Variants in MYRF observed in about 807,000 individuals in gnomAD.
The protein encoded by MYRF is myelin gene regulatory factor.
In MYRF, 16 loss-of-function variants were observed where a neutral mutation model predicts 126.3. The ratio of observed to expected loss-of-function variants is 0.13; its 90% CI spans 0.09 to 0.19. MYRF has a LOEUF of 0.19. MYRF is among the 10% of genes least tolerant of loss of function. MYRF has a pLI of 1.00. For synonymous variants in MYRF, 608 were observed against 635.3 expected, an observed-to-expected ratio of 0.96 and a Z score of 0.65; for missense variants, 1,104 against 1,547.0, an observed-to-expected ratio of 0.71 and a Z score of 4.80.
At position 61,781,176 on chromosome 11, in the gene MYRF, G is replaced by A. The variant is rs201951304; in HGVS notation, c.2611G>A (p.Val871Ile). The A allele has an allele frequency of 1.2e-5, 19 of 1,613,902 alleles. No homozygotes were observed. The highest frequency in any genetic ancestry group is 1.5e-5 in the Non-Finnish European group (18 of 1,180,022). ...CACCAGCTCGGCCCCAGGTTCTGCTGTCCGCACCTTGGACATGTGTTCCAG... is the reference window on the plus strand; with the variant it reads ...CACCAGCTCGGCCCCAGGTTCTGCTATCCGCACCTTGGACATGTGTTCCAG... ...SLTSSAPGSAVRTLDMCSSHP... is the reference protein window; with the variant it reads ...SLTSSAPGSAIRTLDMCSSHP... The change falls in exon 21 of 27, where the codon GTC (valine) becomes ATC (isoleucine). Residue 871 changes from valine to isoleucine, a missense_variant. Val to Ile is a conservative substitution (Grantham distance 29). Around this residue, in one of 10 missense-constraint regions of MYRF, gnomAD observed 323 missense variants for 383.1 expected, o/e 0.84. Coordinates refer to ENST00000278836, the MANE Select transcript of MYRF (RefSeq NM_001127392.3).
intron 1 of MYRF, among the ~76,000 whole-genome samples, chr11:61,755,175 C>T (rs938105770): frequency 3.4e-4 from 52 of 152,258 alleles, no homozygotes; most frequent in East Asian, 3.9e-4. Context: ...CAGCACAGCG[C>T]GCCCCCTCAC....
intron 7 of MYRF, among the ~76,000 whole-genome samples, chr11:61,773,586 C>T (rs756934721): frequency 1.2e-4 from 19 of 152,008 alleles, no homozygotes; most frequent in African/African-American, 4.1e-4. Context: ...CAGTCCCTCT[C>T]GGGTGAGTGA....
intron 1 of MYRF, among the ~76,000 whole-genome samples, chr11:61,761,267 G>GGGC: frequency 6.6e-6 from 1 of 151,890 alleles, no homozygotes; most frequent in East Asian, 1.9e-4. Context: ...GGTGGGGGGG[G>GGGC]GGGCACATAA....
Position 61,777,418 on chromosome 11 carries a change from C to T in MYRF, c.1745C>T (p.Ser582Leu), listed in dbSNP as rs1370128333. ...CACGGGAATGTCAAGGTCATGGGCT[C>T]GCTTATGCACCCCTCCGACCTGCGC... ...VVHGNVKVMG[S>L]LMHPSDLRAK... The change falls in exon 12 of 27, where the codon TCG (serine) becomes TTG (leucine). Residue 582 changes from serine to leucine, a missense_variant. Physicochemically the swap from Ser to Leu is moderately radical, Grantham distance 145. This residue lies in a region of MYRF where 123 missense variants were observed against 209.1 expected (regional missense o/e 0.59). Transcript: ENST00000278836. This position sits in a 1 kb window ranked among gnomAD's most constrained non-coding sequence, Gnocchi z 8.8. 2 of 1,613,678 alleles carry T rather than the reference C, an allele frequency of 1.2e-6. No homozygotes were observed. The highest frequency in any genetic ancestry group is 3.3e-5 in the Admixed American group (2 of 59,998).
intron 3 of MYRF, 45 bp downstream of exon 3, chr11:61,766,266 G>A: frequency 6.5e-7 from 1 of 1,548,994 alleles, no homozygotes; most frequent in Middle Eastern, 1.8e-4. Flanking sequence ...CATAGGGGCA[G>A]GCAGGGAGCA....
intron 8 of MYRF, among the ~76,000 whole-genome samples, chr11:61,775,170 C>T (rs1255725007): frequency 6.6e-6 from 1 of 152,202 alleles, no homozygotes; most frequent in Non-Finnish European, 1.5e-5. Context: ...GGACCCCCAA[C>T]TCCTGCCCCA....
chr11:61,757,233 C>T lies in MYRF; in HGVS notation c.46+4443C>T, dbSNP rs929884394. The T allele has an allele frequency of 8.8e-6, 4 of 456,642 alleles. No homozygotes were observed. The highest frequency in any genetic ancestry group is 3.1e-5 in the South Asian group (2 of 64,556). The allele number at this position is 456,642 out of a possible 1,614,324, so 28.3% of individuals were successfully genotyped here. On this transcript the variant is annotated intron_variant, in intron 1 of 26. Transcript: ENST00000278836. The surrounding 1 kb of genome is among the most constrained non-coding windows in gnomAD (Gnocchi z 4.7). ...GTGTGGGTACCTCTTGGTTGGGTCT[C>T]GGGGTAGGATGATGTAATGGTTCTG...
intron 1 of MYRF, 77 bp downstream of exon 1, chr11:61,752,867 C>CCTCG (rs1204368035): frequency 7.5e-7 from 1 of 1,336,718 alleles, no homozygotes. Context: ...AACTGGGGCT[C>CCTCG]CTCGCTGTGT....
rs1245749308 is a variant in MYRF at position 61,767,384 on chromosome 11, A to G, written c.398+1163A>G. Reference sequence around the variant, plus strand: ...CCAGCTCCTGGGAGACCCCACAAGGAGCCCTGGCCACTGCTACCGTCAGGA... The same window carrying G: ...CCAGCTCCTGGGAGACCCCACAAGGGGCCCTGGCCACTGCTACCGTCAGGA... On this transcript the variant is annotated intron_variant, in intron 3 of 26. Coordinates refer to ENST00000278836, the MANE Select transcript of MYRF (RefSeq NM_001127392.3). The G allele has an allele frequency of 8.8e-6, 4 of 456,522 alleles. No homozygotes were observed. The Admixed American group carries it at 9.4e-5, about 11-fold the overall frequency. The allele number at this position is 456,522 out of a possible 1,614,324, so 28.3% of individuals were successfully genotyped here.
chr11:61,757,419 G>A lies in MYRF; in HGVS notation c.46+4629G>A. ...GGGCCTCCGTCCCAGGGTTTCTGGG[G>A]TGATTAGGTAAGATTGTGCCTGGCC... On this transcript the variant is annotated intron_variant, in intron 1 of 26. Coordinates refer to ENST00000278836, the MANE Select transcript of MYRF (RefSeq NM_001127392.3). The surrounding 1 kb of genome is among the most constrained non-coding windows in gnomAD (Gnocchi z 4.7). 2.2e-6 allele frequency: 1 copy of A among 452,260 alleles called. No individual in the cohort carries two copies. The highest frequency in any genetic ancestry group is 4.5e-6 in the Non-Finnish European group (1 of 223,756). The allele number at this position is 452,260 out of a possible 1,614,324, so 28.0% of individuals were successfully genotyped here. A position where few individuals can be genotyped will look rare whatever the true frequency, so the allele number is the denominator to read the frequency against.
intron 5 of MYRF, among the ~76,000 whole-genome samples, chr11:61,770,949 G>A (rs1328549017): frequency 6.6e-6 from 1 of 152,172 alleles, no homozygotes; most frequent in Non-Finnish European, 1.5e-5. Context: ...CAACCTGCAC[G>A]ATTGTCTTTT....
chr11:61,778,887 T>C lies in MYRF; in HGVS notation c.2014-376T>C. On this transcript the variant is annotated intron_variant, in intron 14 of 26. Transcript: ENST00000278836. This position sits in a 1 kb window ranked among gnomAD's most constrained non-coding sequence, Gnocchi z 4.6. The stretch of plus-strand genomic sequence containing the variant: ...GTCTGGGCGCCAAGGAGGCATGTAA[T>C]AGGTCTCCACCCCAGCTGAATAGTG... 1 of 555,304 alleles carries C rather than the reference T, an allele frequency of 1.8e-6. No individual in the cohort carries two copies. The highest frequency in any genetic ancestry group is 4.4e-5 in the East Asian group (1 of 22,792). The allele number at this position is 555,304 out of a possible 1,614,324, so 34.4% of individuals were successfully genotyped here.
chr11:61,769,659 G>A (rs1378965919), intron 4 of MYRF, among the ~76,000 whole-genome samples: 1 of 152,138 alleles, frequency 6.6e-6, no homozygotes, highest in East Asian at 1.9e-4. Flanking sequence ...ACCTTAGAGG[G>A]TGCTCAGGGG....
chr11:61,758,614 G>A (rs1028158542), intron 1 of MYRF, among the ~76,000 whole-genome samples: 3 of 152,320 alleles, frequency 2.0e-5, no homozygotes, highest in East Asian at 1.9e-4. Flanking sequence ...GTGTACATGC[G>A]TGTCCTGGCA....
chr11:61,754,635 C>T (rs1184465021), intron 1 of MYRF, among the ~76,000 whole-genome samples: 1 of 152,132 alleles, frequency 6.6e-6, no homozygotes, highest in Admixed American at 6.5e-5. Flanking sequence ...TGGCTCCCTC[C>T]TGACCATGGG....
chr11:61,776,266 C>A lies in MYRF; in HGVS notation c.1389-56C>A. The stretch of plus-strand genomic sequence containing the variant: ...TGCTGGCCTGGGTGCCCCTCAGTGG[C>A]GTGGCTCTTGCAGCCTCCCTCCCTG... On this transcript the variant is annotated intron_variant, in intron 9 of 26. Coordinates refer to ENST00000278836, the MANE Select transcript of MYRF (RefSeq NM_001127392.3). The surrounding 1 kb of genome is among the most constrained non-coding windows in gnomAD (Gnocchi z 4.3). The A allele has an allele frequency of 6.4e-7, 1 of 1,568,408 alleles. No homozygotes were observed. The highest frequency in any genetic ancestry group is 8.7e-7 in the Non-Finnish European group (1 of 1,146,726).
rs1301647815 is a variant in MYRF, at chr11:61,786,019, G to A, written c.3376-44G>A. ...GTCAGCAGGGAGTGCCATCTGCCCC[G>A]CACCCCCAGAGCCACCTCACCTTCC... On this transcript the variant is annotated intron_variant, in intron 26 of 26. Transcript: ENST00000278836. This position sits in a 1 kb window ranked among gnomAD's most constrained non-coding sequence, Gnocchi z 4.5. The A allele has an allele frequency of 8.8e-6, 14 of 1,597,812 alleles. No homozygotes were observed. The highest frequency in any genetic ancestry group is 4.0e-5 in the African/African-American group (3 of 74,560).
intron 1 of MYRF, among the ~76,000 whole-genome samples, chr11:61,763,962 C>T (rs1237574578): frequency 1.3e-5 from 2 of 152,208 alleles, no homozygotes; most frequent in South Asian, 2.1e-4. Flanking sequence ...AAATGGGACC[C>T]GTGGTTACAG....
rs372605327 is a variant in MYRF, at chr11:61,786,018, C to T, written c.3376-45C>T. Reference sequence around the variant, plus strand: ...TGTCAGCAGGGAGTGCCATCTGCCCCGCACCCCCAGAGCCACCTCACCTTC... The same window carrying T: ...TGTCAGCAGGGAGTGCCATCTGCCCTGCACCCCCAGAGCCACCTCACCTTC... On this transcript the variant is annotated intron_variant, in intron 26 of 26. Coordinates refer to ENST00000278836, the MANE Select transcript of MYRF (RefSeq NM_001127392.3). This position sits in a 1 kb window ranked among gnomAD's most constrained non-coding sequence, Gnocchi z 4.5. The T allele has an allele frequency of 3.8e-6, 6 of 1,593,950 alleles. No homozygotes were observed. The African/African-American group carries it at 4.0e-5, about 11-fold the overall frequency.
Sources: gnomAD v4.1 joint callset for allele counts (sites outside exome capture counted in the v4.1 genomes callset) on GRCh38, gnomAD v4.1.1 for gene constraint, gnomAD v4.1.1 regional missense constraint, Gnocchi (gnomAD v3.1) non-coding constraint, MANE v1.5 for transcripts, NCBI Gene and HGNC (gene_info 2026-07-23, HGNC 2026-07-21) for gene names.